Variants in GRIP1 observed in about 807,000 individuals in gnomAD.
GRIP1 encodes the protein glutamate receptor-interacting protein 1.
Under a neutral mutation model 129.9 loss-of-function variants are expected in GRIP1, and 45 were observed. The ratio of observed to expected loss-of-function variants is 0.35; its 90% CI spans 0.27 to 0.44. The LOEUF (loss-of-function observed/expected upper bound fraction) is 0.44, where lower values mean the gene tolerates loss of function less well. Among genes scored for constraint, GRIP1 ranks in the 20% least tolerant of loss-of-function variants. GRIP1 has a pLI of 1.00. For missense variants in GRIP1, 1,196 were observed against 1,396.8 expected (o/e 0.86, Z 2.29); for synonymous variants, 530 against 520.8 (o/e 1.02, Z -0.24).
intron 15 of GRIP1, among the ~76,000 whole-genome samples, chr12:66,409,604 A>T (rs1192055826): frequency 2.0e-5 from 3 of 152,236 alleles, no homozygotes; most frequent in Non-Finnish European, 4.4e-5. Context: ...AGACTATAAT[A>T]AATACTTAAC....
At chr12:66,866,392 G>C (rs900987875) in intron 1 of GRIP1, among the ~76,000 whole-genome samples, 1 of 152,158 alleles carries the variant, frequency 6.6e-6, no homozygotes. Context: ...AGAATCACTT[G>C]AGCCCAGAAG....
intron 1 of GRIP1, among the ~76,000 whole-genome samples, chr12:66,747,237 T>C (rs2036977811): frequency 6.6e-6 from 1 of 152,126 alleles, no homozygotes; most frequent in Admixed American, 6.5e-5. Flanking sequence ...GTAAATAAAA[T>C]TTATATCCAG....
chr12:66,710,922 T>C (rs552922614), intron 1 of GRIP1, among the ~76,000 whole-genome samples: 1 of 152,026 alleles, frequency 6.6e-6, no homozygotes, highest in Admixed American at 6.6e-5. Context: ...TCACATAGTA[T>C]ATGATAGTAG....
chr12:66,805,074 T>C (rs142064625), upstream of GRIP1, among the ~76,000 whole-genome samples: 207 of 152,262 alleles, frequency 1.4e-3, no homozygotes, highest in African/African-American at 4.4e-3. Flanking sequence ...GGAAACTGCC[T>C]GGTTTAAGGG....
rs182267773 is a variant in GRIP1, at chr12:66,427,137, G to A, written c.1768+5411C>T. 2.7e-3 allele frequency among the ~76,000 whole-genome samples: 413 copies of A among 152,194 alleles called. 5 individuals are homozygous for A. Among genetic ancestry groups the A allele is most frequent in the African/African-American group, 9.6e-3 (398 of 41,516 alleles). On this transcript the variant is annotated intron_variant, in intron 14 of 24. Coordinates refer to ENST00000359742, the MANE Select transcript of GRIP1 (RefSeq NM_001366722.1). ...TGGTCCCTGAACCTGTACTCCAAAG[G>A]GAGTACAGGATAGAAATTAGGCTCA... is the stretch of plus-strand genomic sequence containing the variant.
chr12:66,937,423 A>G (rs1228909988), intron 1 of GRIP1, among the ~76,000 whole-genome samples: 1 of 152,230 alleles, frequency 6.6e-6, no homozygotes, highest in East Asian at 1.9e-4. Context: ...AGCACCTAGA[A>G]AAGTGCATAA....
At chr12:66,568,217 C>G (rs74663004) in intron 2 of GRIP1, 170 of 188,688 alleles carry the variant, frequency 9.0e-4, no homozygotes, top group African/African-American at 3.8e-3. Flanking sequence ...AAAGATCTTG[C>G]TAAAATGACT....
chr12:66,655,692 C>T (rs1222670925), intron 1 of GRIP1, among the ~76,000 whole-genome samples: 1 of 149,538 alleles, frequency 6.7e-6, no homozygotes, highest in Non-Finnish European at 1.5e-5. Context: ...TCACTGCAAG[C>T]TCCGCCTCCC....
chr12:66,477,259 G>C (rs1450655247), intron 7 of GRIP1, among the ~76,000 whole-genome samples: 3 of 152,066 alleles, frequency 2.0e-5, no homozygotes, highest in Non-Finnish European at 4.4e-5. Flanking sequence ...GCCAAATCAT[G>C]AGTGAACTCC....
intron 1 of GRIP1, among the ~76,000 whole-genome samples, chr12:66,944,805 T>C (rs2041640699): frequency 7.0e-6 from 1 of 142,684 alleles, no homozygotes; most frequent in South Asian, 2.1e-4. Flanking sequence ...TTTTGTTTTG[T>C]TTTTTGAGAC....
At chr12:66,870,468 T>A (rs1177882364) in intron 1 of GRIP1, among the ~76,000 whole-genome samples, 1 of 152,092 alleles carries the variant, frequency 6.6e-6, no homozygotes, top group African/African-American at 2.4e-5. Flanking sequence ...CCACAGAACA[T>A]CCCTTGGTGC....
chr12:66,861,291 A>G (rs778862286), intron 1 of GRIP1, among the ~76,000 whole-genome samples: 4 of 152,168 alleles, frequency 2.6e-5, no homozygotes, highest in Non-Finnish European at 4.4e-5. Flanking sequence ...CCAGAAATGC[A>G]AACAGCCACA....
intron 16 of GRIP1, among the ~76,000 whole-genome samples, 184 bp downstream of exon 16, chr12:66,406,099 T>C (rs2057181206): frequency 6.6e-6 from 1 of 152,248 alleles, no homozygotes; most frequent in Non-Finnish European, 1.5e-5. Flanking sequence ...TGATATCATT[T>C]ACAAGCACCA....
intron 1 of GRIP1, among the ~76,000 whole-genome samples, chr12:66,992,950 CAAAAATACA>C (rs1242851976): frequency 4.6e-5 from 7 of 151,728 alleles, no homozygotes; most frequent in African/African-American, 1.7e-4. Context: ...CTGTGTATTC[CAAAAATACA>C]AAAAATTAGC....
chr12:66,880,113 C>G (rs1411206207), intron 1 of GRIP1, among the ~76,000 whole-genome samples: 8 of 152,012 alleles, frequency 5.3e-5, no homozygotes, highest in Non-Finnish European at 1.2e-4. Flanking sequence ...GACCAGATAG[C>G]TTGAGGTTCA....
intron 2 of GRIP1, among the ~76,000 whole-genome samples, chr12:66,565,337 T>C (rs1371028742): frequency 7.9e-5 from 12 of 152,114 alleles, no homozygotes; most frequent in South Asian, 4.1e-4. Flanking sequence ...CAGCTTTCAA[T>C]ATATGGCTAG....
chr12:66,648,194 G>A (rs1466147723), intron 1 of GRIP1, among the ~76,000 whole-genome samples: 5 of 65,036 alleles, frequency 7.7e-5, no homozygotes, highest in Admixed American at 3.7e-4. Flanking sequence ...CACAGATCCC[G>A]CTCCTGGCTT....
chr12:66,420,766 C>T lies in GRIP1; in HGVS notation c.1792G>A (p.Asp598Asn), dbSNP rs144291784. The change falls in exon 15 of 25, where the codon GAC becomes AAC. Residue 598 changes from aspartate to asparagine, a missense_variant. By Grantham distance (23) the Asp-to-Asn change is conservative (BLOSUM62 1). Transcript: ENST00000359742. ...TTGATATCTGAAATGACGAGGGGGT[C>T]TCCTGGTTTTCTACTGGATGGTGCT... ...ISSPSSRKPG[D>N]PLVISDIKKG... The T allele has an allele frequency of 2.6e-5, 42 of 1,585,870 alleles. No homozygotes were observed. Among genetic ancestry groups the T allele is most frequent in the Middle Eastern group, 1.7e-4 (1 of 6,006 alleles).
chr12:66,813,360 G>T (rs2039140103), intron 1 of GRIP1, among the ~76,000 whole-genome samples: 1 of 152,138 alleles, frequency 6.6e-6, no homozygotes, highest in Admixed American at 6.5e-5. Context: ...CTGCACCGAT[G>T]ATCCAAGGAC....
Sources: gnomAD v4.1 joint callset for allele counts (sites outside exome capture counted in the v4.1 genomes callset) on GRCh38, gnomAD v4.1.1 for gene constraint, MANE v1.5 for transcripts, NCBI Gene and HGNC (gene_info 2026-07-23, HGNC 2026-07-21) for gene names.